SLC6A17: variants seen among roughly 807,000 people sequenced by gnomAD.
SLC6A17 encodes solute carrier family 6 member 17, also known as sodium-dependent neutral amino acid transporter SLC6A17.
Under a neutral mutation model 64.5 loss-of-function variants are expected in SLC6A17, and 21 were observed. That is an observed-to-expected ratio of 0.33 (90% CI 0.23 to 0.47). The LOEUF (loss-of-function observed/expected upper bound fraction) is 0.47. SLC6A17 is among the 20% of genes least tolerant of loss of function. The pLI, the probability that SLC6A17 is intolerant of heterozygous loss-of-function variation, is 1.00. For missense variants in SLC6A17, 682 were observed against 963.2 expected, an observed-to-expected ratio of 0.71 and a Z score of 3.86; for synonymous variants, 372 against 399.5, an observed-to-expected ratio of 0.93 and a Z score of 0.82.
Position 110,198,667 on chromosome 1 carries a change from C to G in SLC6A17, c.*223C>G. On this transcript the variant is annotated 3_prime_UTR_variant, in exon 12 of 12. Coordinates refer to ENST00000331565, the MANE Select transcript of SLC6A17 (RefSeq NM_001010898.4). ...CTGTTTCCTAATTCAGGACCCCACT[C>G]ATCTAGCCCTCCAAGAGCCTCCGCC... 1.4e-6 allele frequency: 1 copy of G among 696,122 alleles called. No homozygotes were observed. Among genetic ancestry groups the G allele is most frequent in the Non-Finnish European group, 2.2e-6 (1 of 450,808 alleles). 43.1% of individuals were successfully genotyped at this position (696,122 alleles called of 1,614,324 possible). A position where few individuals can be genotyped will look rare whatever the true frequency, so the allele number is the denominator to read the frequency against.
chr1:110,159,859 G>A (rs1468151907), intron 1 of SLC6A17, among the ~76,000 whole-genome samples: 1 of 152,138 alleles, frequency 6.6e-6, no homozygotes, highest in Non-Finnish European at 1.5e-5. Flanking sequence ...GAACTTTGGG[G>A]TGTTCAAAAA....
chr1:110,200,344 T>G lies in SLC6A17; in HGVS notation c.*1900T>G. The G allele has an allele frequency of 2.7e-6, 1 of 368,078 alleles. No individual in the cohort carries two copies. The highest frequency in any genetic ancestry group is 4.8e-6 in the Non-Finnish European group (1 of 207,068). 22.8% of individuals were successfully genotyped at this position (368,078 alleles called of 1,614,324 possible). On this transcript the variant is annotated 3_prime_UTR_variant, in exon 12 of 12. Transcript: ENST00000331565. ...CCCACATCTCCCCAAAGAGATGAGC[T>G]TTTGGGGCACAACATCCCACCGCAG...
intron 1 of SLC6A17, among the ~76,000 whole-genome samples, chr1:110,165,520 G>A (rs989700739): frequency 6.6e-6 from 1 of 152,190 alleles, no homozygotes; most frequent in Non-Finnish European, 1.5e-5. Flanking sequence ...GGCAGCAGGT[G>A]TCACCTGCTA....
chr1:110,200,065 A>T lies in SLC6A17; in HGVS notation c.*1621A>T, dbSNP rs989148574. ...GGTGGGCAGGGCAGAAACAGGCCAC[A>T]GTGCTCAACCCGGACACCCTCACGA... On this transcript the variant is annotated 3_prime_UTR_variant, in exon 12 of 12. Transcript: ENST00000331565. 7.5e-6 allele frequency: 3 copies of T among 398,552 alleles called. No individual in the cohort carries two copies. Among genetic ancestry groups the T allele is most frequent in the Non-Finnish European group, 1.3e-5 (3 of 226,050 alleles). The allele number at this position is 398,552 out of a possible 1,614,324, so 24.7% of individuals were successfully genotyped here.
intron 1 of SLC6A17, among the ~76,000 whole-genome samples, chr1:110,164,634 C>T (rs1375660942): frequency 1.3e-5 from 2 of 152,192 alleles, no homozygotes; most frequent in Non-Finnish European, 2.9e-5. Context: ...ATGCGCATGG[C>T]GTCAGTGACA....
chr1:110,153,554 T>TGTGTG (rs1553203115), intron 1 of SLC6A17, among the ~76,000 whole-genome samples: 4 of 151,352 alleles, frequency 2.6e-5, no homozygotes, highest in East Asian at 1.9e-4. Context: ...TGTGTGTGCA[T>TGTGTG]TGCATTCACC....
intron 1 of SLC6A17, among the ~76,000 whole-genome samples, chr1:110,163,323 A>G (rs915639861): frequency 2.6e-5 from 4 of 152,152 alleles, no homozygotes; most frequent in African/African-American, 7.2e-5. Context: ...CTCCACTCCC[A>G]TGGTCAGCTC....
intron 6 of SLC6A17, among the ~76,000 whole-genome samples, chr1:110,185,291 G>A (rs1371693383): frequency 5.3e-5 from 8 of 152,256 alleles, no homozygotes; most frequent in Non-Finnish European, 1.2e-4. Context: ...GTAAATGTTA[G>A]CTATTATTAT....
rs764062053 is a variant in SLC6A17, at chr1:110,191,965, G to T, written c.865-7G>T. On this transcript the variant is annotated splice_polypyrimidine_tract_variant and splice_region_variant and intron_variant, in intron 6 of 11. Transcript: ENST00000331565. ...TTTCTTCCTCCTGCCTTGGTCTTCT[G>T]CCATAGCTGGACAAGATGCTGGACC... The T allele has an allele frequency of 1.2e-6, 2 of 1,612,594 alleles. No homozygotes were observed. Among genetic ancestry groups the T allele is most frequent in the Non-Finnish European group, 1.7e-6 (2 of 1,178,912 alleles).
intron 2 of SLC6A17, among the ~76,000 whole-genome samples, chr1:110,170,903 C>T (rs1656206782): frequency 6.6e-6 from 1 of 151,988 alleles, no homozygotes; most frequent in South Asian, 2.1e-4. Context: ...CGTGACTCTG[C>T]CTGCCTCCCC....
intron 1 of SLC6A17, among the ~76,000 whole-genome samples, chr1:110,157,936 C>A (rs1012756057): frequency 6.6e-6 from 1 of 152,158 alleles, no homozygotes; most frequent in African/African-American, 2.4e-5. Context: ...GTCACCTTAT[C>A]GGAGCATACG....
chr1:110,164,828 G>C (rs1656001589), intron 1 of SLC6A17, among the ~76,000 whole-genome samples: 1 of 152,204 alleles, frequency 6.6e-6, no homozygotes, highest in African/African-American at 2.4e-5. Context: ...GCTATTTATG[G>C]AGAAACATGT....
chr1:110,172,798 T>G (rs1490895657), intron 3 of SLC6A17, among the ~76,000 whole-genome samples: 3 of 152,204 alleles, frequency 2.0e-5, no homozygotes. Context: ...TGGAGAACTT[T>G]GTGAGGTCTC....
At chr1:110,152,402 A>G (rs936207411) in intron 1 of SLC6A17, among the ~76,000 whole-genome samples, 2 of 152,196 alleles carry the variant, frequency 1.3e-5, no homozygotes, top group Non-Finnish European at 2.9e-5. Context: ...GTTTGGCCTG[A>G]GTCACACACA....
rs143124386 is a variant in SLC6A17, at chr1:110,194,593, A to G, written c.1314A>G (p.Thr438=). 2 of 1,614,030 alleles carry G rather than the reference A, an allele frequency of 1.2e-6. No individual in the cohort carries two copies. Among genetic ancestry groups the G allele is most frequent in the Non-Finnish European group, 1.7e-6 (2 of 1,180,038 alleles). The part of the protein sequence containing the change: ...EDELDKSVQG[T]GLAFIAFTEA... ...CCCACCTTCAGTCCGTGCAGGGCAC[A>G]GGCCTGGCCTTCATCGCCTTCACTG... Residue 438 remains threonine, a synonymous_variant, in exon 9 of 12, where the codon ACA becomes ACG. Coordinates refer to ENST00000331565, the MANE Select transcript of SLC6A17 (RefSeq NM_001010898.4).
At position 110,192,101 on chromosome 1, in the gene SLC6A17, G is replaced by A. The variant is rs1023791205; in HGVS notation, c.994G>A (p.Asp332Asn). 1 of 1,614,180 alleles carries A rather than the reference G, an allele frequency of 6.2e-7. No individual in the cohort carries two copies. Among genetic ancestry groups the A allele is most frequent in the Admixed American group, 1.7e-5 (1 of 60,018 alleles). ...YNKQDNNCHF[D>N]AALVSFINFF... Reference sequence around the variant, plus strand: ...TAAGCAGGACAACAACTGCCACTTCGATGCCGCCCTGGTGTCCTTCATCAA... The same window carrying A: ...TAAGCAGGACAACAACTGCCACTTCAATGCCGCCCTGGTGTCCTTCATCAA... Residue 332 changes from aspartate to asparagine, a missense_variant, in exon 7 of 12, where the codon GAT becomes AAT. Around this residue, in one of 3 missense-constraint regions of SLC6A17, gnomAD observed 415 missense variants for 603.8 expected, o/e 0.69. Transcript: ENST00000331565. This position sits in a 1 kb window ranked among gnomAD's most constrained non-coding sequence, Gnocchi z 4.3.
chr1:110,167,344 A>G, intron 2 of SLC6A17, 129 bp downstream of exon 2: 1 of 1,173,590 alleles, frequency 8.5e-7, no homozygotes, highest in Non-Finnish European at 1.2e-6. Context: ...TTCCAGAGTA[A>G]GACAGCCCAG....
At chr1:110,191,303 G>A (rs1160704657) in intron 6 of SLC6A17, among the ~76,000 whole-genome samples, 1 of 152,180 alleles carries the variant, frequency 6.6e-6, no homozygotes, top group Non-Finnish European at 1.5e-5. Context: ...AAAATAGGTT[G>A]GAAAGGGGCT....
At chr1:110,197,703 G>T in intron 11 of SLC6A17, 104 bp downstream of exon 11, 3 of 1,322,058 alleles carry the variant, frequency 2.3e-6, no homozygotes, top group Non-Finnish European at 3.0e-6. Flanking sequence ...CTATGTGCCA[G>T]GCCTTGCCAG....
Sources: allele counts gnomAD v4.1 joint callset (sites outside exome capture counted in the v4.1 genomes callset), GRCh38; gene constraint gnomAD v4.1.1; regional missense constraint gnomAD v4.1.1; non-coding constraint Gnocchi (gnomAD v3.1); transcripts MANE v1.5; gene names NCBI Gene and HGNC (gene_info 2026-07-23, HGNC 2026-07-21).